Variants in SH3D19 observed in about 807,000 individuals in gnomAD.
SH3D19 encodes SH3 domain containing 19.
A neutral mutation model predicts 112.1 loss-of-function variants in SH3D19; 58 were observed. That is an observed-to-expected ratio of 0.52 (90% CI 0.42 to 0.64). The LOEUF (loss-of-function observed/expected upper bound fraction) is 0.64, where lower values mean the gene tolerates loss of function less well. Among genes scored for constraint, SH3D19 ranks in the 30% least tolerant of loss-of-function variants. The pLI is 0.00. For missense variants in SH3D19, 1,090 were observed against 1,263.4 expected (o/e 0.86, Z 2.08); for synonymous variants, 391 against 448.5 (o/e 0.87, Z 1.62).
At position 151,148,015 on chromosome 4, in the gene SH3D19, T is replaced by G; in HGVS notation, c.1989A>C (p.Gly663=). 1.2e-6 allele frequency: 2 copies of G among 1,614,026 alleles called. No individual in the cohort carries two copies. Among genetic ancestry groups the G allele is most frequent in the Non-Finnish European group, 1.7e-6 (2 of 1,180,004 alleles). The part of the protein sequence containing the change: ...LQKKQSNLAT[G]LSKAKSQVFK... ...AAACTTGACTCTTGGCTTTTGAGAG[T>G]CCAGTTGCCAAGTTACTTTGTTTTT... Residue 663 remains glycine, a synonymous_variant, in exon 11 of 20, where the codon GGA becomes GGC. Coordinates refer to ENST00000604030, the MANE Select transcript of SH3D19 (RefSeq NM_001378122.1).
chr4:151,262,129 G>A (rs564866628), intron 1 of SH3D19, among the ~76,000 whole-genome samples: 8 of 152,276 alleles, frequency 5.3e-5, no homozygotes, highest in South Asian at 2.1e-4. Context: ...AACTGCCCAC[G>A]GTCTTGTTCA....
intron 15 of SH3D19, among the ~76,000 whole-genome samples, chr4:151,133,787 C>A (rs1057226768): frequency 1.3e-5 from 2 of 152,294 alleles, no homozygotes; most frequent in South Asian, 2.1e-4. Context: ...AGTCTTGGAA[C>A]TAACCCTGTT....
intron 1 of SH3D19, chr4:151,291,257 C>G (rs1775309678): frequency 8.7e-6 from 14 of 1,613,884 alleles, no homozygotes; most frequent in Non-Finnish European, 1.1e-5. Flanking sequence ...TGGATTAATG[C>G]CACTATTTCA....
chr4:151,239,612 G>A (rs561671428), intron 1 of SH3D19, among the ~76,000 whole-genome samples: 2 of 152,146 alleles, frequency 1.3e-5, no homozygotes, highest in African/African-American at 2.4e-5. Context: ...TTACGACGAC[G>A]AAGCATAGGA....
intron 1 of SH3D19, among the ~76,000 whole-genome samples, chr4:151,256,458 T>C (rs62328350): frequency 0.35 from 52,373 of 151,796 alleles, 10,163 homozygotes; most frequent in Non-Finnish European, 0.46. Context: ...ATATAAATAC[T>C]TCAATTAAAT....
At chr4:151,132,490 G>A in intron 16 of SH3D19, 107 bp from the exon 17 acceptor site, 1 of 903,514 alleles carries the variant, frequency 1.1e-6, no homozygotes, top group Non-Finnish European at 1.8e-6. Flanking sequence ...GAAGACTCTG[G>A]GATTCCACTC....
intron 2 of SH3D19, among the ~76,000 whole-genome samples, chr4:151,207,639 T>C (rs1170316279): frequency 1.3e-5 from 2 of 152,174 alleles, no homozygotes; most frequent in African/African-American, 2.4e-5. Flanking sequence ...CTCCAGACTT[T>C]ACCAGTTCAT....
At chr4:151,202,137 C>G (rs1764487129) in intron 2 of SH3D19, among the ~76,000 whole-genome samples, 1 of 152,070 alleles carries the variant, frequency 6.6e-6, no homozygotes, top group African/African-American at 2.4e-5. Context: ...AGATCGAGAC[C>G]ATCCTGGTTA....
At chr4:151,186,047 A>T (rs546102029) in intron 3 of SH3D19, among the ~76,000 whole-genome samples, 1 of 152,064 alleles carries the variant, frequency 6.6e-6, no homozygotes, top group African/African-American at 2.4e-5. Flanking sequence ...ATCGGGGGGG[A>T]AAAACAACCA....
At chr4:151,173,891 T>C (rs148067014) in intron 7 of SH3D19, among the ~76,000 whole-genome samples, 18 of 152,312 alleles carry the variant, frequency 1.2e-4, no homozygotes, top group Middle Eastern at 3.4e-3. Flanking sequence ...AGAAATCTTA[T>C]CAATGACAAG....
Position 151,248,179 on chromosome 4 carries a change from G to A in SH3D19, c.113-22093C>T, listed in dbSNP as rs77274258. On this transcript the variant is annotated intron_variant, in intron 1 of 19. Transcript: ENST00000604030. ...GGATCTTGCTATGTTGCCCAGACTAGTCTTGAATTCCTGGCCTTAAGCAAC... is the reference window on the plus strand; with the variant it reads ...GGATCTTGCTATGTTGCCCAGACTAATCTTGAATTCCTGGCCTTAAGCAAC... Among the ~76,000 whole-genome samples the A allele has an allele frequency of 3.5e-3, 533 of 152,158 alleles. 4 individuals carry two copies. The highest frequency in any genetic ancestry group is 0.012 in the African/African-American group (512 of 41,504).
chr4:151,250,572 G>C (rs985599192), intron 1 of SH3D19, among the ~76,000 whole-genome samples: 7 of 151,994 alleles, frequency 4.6e-5, no homozygotes, highest in Non-Finnish European at 8.8e-5. Flanking sequence ...TGCTAGAAGT[G>C]GAGACAATAA....
chr4:151,242,018 CCT>C (rs1170440734), intron 1 of SH3D19, among the ~76,000 whole-genome samples: 2 of 151,830 alleles, frequency 1.3e-5, no homozygotes, highest in Admixed American at 6.6e-5. Context: ...CAAATGAGAC[CCT>C]GTCTCTACAA....
intron 2 of SH3D19, among the ~76,000 whole-genome samples, chr4:151,220,951 A>G (rs1353157625): frequency 6.6e-6 from 1 of 152,200 alleles, no homozygotes; most frequent in East Asian, 1.9e-4. Context: ...TAAGGTTGAG[A>G]CAAGAACAAC....
At chr4:151,312,229 G>T (rs978073355) in intron 1 of SH3D19, among the ~76,000 whole-genome samples, 2 of 152,044 alleles carry the variant, frequency 1.3e-5, no homozygotes, top group Non-Finnish European at 2.9e-5. Flanking sequence ...ATGCATGATG[G>T]ATTCTGTTTA....
chr4:151,263,141 A>AT (rs1355447515), intron 1 of SH3D19, among the ~76,000 whole-genome samples: 59 of 151,334 alleles, frequency 3.9e-4, no homozygotes, highest in African/African-American at 1.4e-3. Flanking sequence ...AGTAAACAAG[A>AT]TCCCCAGAGT....
At chr4:151,273,302 A>G (rs1433901628) in intron 1 of SH3D19, among the ~76,000 whole-genome samples, 1 of 152,130 alleles carries the variant, frequency 6.6e-6, no homozygotes, top group African/African-American at 2.4e-5. Flanking sequence ...TGTATTAATA[A>G]AAGTCCAGCC....
At chr4:151,128,638 ACTTT>A (rs34819607) in intron 17 of SH3D19, among the ~76,000 whole-genome samples, 3,219 of 152,054 alleles carry the variant, frequency 0.021, 110 homozygotes, top group African/African-American at 0.073. Flanking sequence ...ACACTTTTTT[ACTTT>A]CTTTATTTTC....
intron 1 of SH3D19, among the ~76,000 whole-genome samples, chr4:151,265,887 C>T (rs1377533374): frequency 6.6e-6 from 1 of 152,004 alleles, no homozygotes; most frequent in African/African-American, 2.4e-5. Flanking sequence ...GCCTGGCCCC[C>T]TTATACTTAT....
Sources: gnomAD v4.1 joint callset for allele counts (sites outside exome capture counted in the v4.1 genomes callset) on GRCh38, gnomAD v4.1.1 for gene constraint, MANE v1.5 for transcripts, NCBI Gene and HGNC (gene_info 2026-07-23, HGNC 2026-07-21) for gene names.